MOV10L1: variants seen among roughly 807,000 people sequenced by gnomAD.
MOV10L1 encodes RNA helicase Mov10l1.
In MOV10L1, 110 loss-of-function variants were observed where a neutral mutation model predicts 143.8. The observed-to-expected ratio is 0.76, with a 90% CI of 0.66 to 0.90. The LOEUF is 0.90. Among genes scored for constraint, MOV10L1 ranks in the 40% least tolerant of loss-of-function variants. The probability of loss-of-function intolerance (pLI) is 0.00; values close to 1 mark genes in which losing one functional copy is unlikely to be tolerated. For missense variants in MOV10L1, 1,406 were observed against 1,526.8 expected (o/e 0.92, Z 1.32); for synonymous variants, 593 against 581.1 (o/e 1.02, Z -0.29).
chr22:50,161,485 A>G lies in MOV10L1; in HGVS notation c.*36A>G. On this transcript the variant is annotated 3_prime_UTR_variant, in exon 27 of 27. Coordinates refer to ENST00000262794, the MANE Select transcript of MOV10L1 (RefSeq NM_018995.3). ...CTGACAGCAGGGAGGCCATGTGCTC[A>G]GCCTGGCCACGTTGCCGTTACAGTC... The G allele has an allele frequency of 6.4e-7, 1 of 1,550,692 alleles. No homozygotes were observed.
chr22:50,102,588 A>G (rs2061772489), intron 3 of MOV10L1, among the ~76,000 whole-genome samples: 1 of 152,148 alleles, frequency 6.6e-6, no homozygotes, highest in African/African-American at 2.4e-5. Flanking sequence ...AACAGACAGT[A>G]AGCAAGTGAA....
Position 50,153,112 on chromosome 22 carries a change from A to G in MOV10L1, c.2960A>G (p.Tyr987Cys). The change falls in exon 22 of 27, where the codon TAC (tyrosine) becomes TGC (cysteine). Residue 987 changes from tyrosine to cysteine, a missense_variant. Physicochemically the swap from Tyr to Cys is radical, Grantham distance 194. Around this residue, in one of 3 missense-constraint regions of MOV10L1, gnomAD observed 1,233 missense variants for 1,351.4 expected, o/e 0.91. Transcript: ENST00000262794. ...CTGATGCTGCCCTCACGGCTGTTCT[A>G]CCACAGGGAACTCGAGGTCTGTGCG... is the stretch of plus-strand genomic sequence containing the variant. Reference protein sequence around the residue: ...ALLMLPSRLFYHRELEVCADP... With the variant: ...ALLMLPSRLFCHRELEVCADP... 1.2e-6 allele frequency: 2 copies of G among 1,613,636 alleles called. No individual in the cohort carries two copies. The highest frequency in any genetic ancestry group is 4.5e-5 in the East Asian group (2 of 44,878).
At chr22:50,151,255 A>C (rs1193632972) in intron 21 of MOV10L1, among the ~76,000 whole-genome samples, 1 of 152,240 alleles carries the variant, frequency 6.6e-6, no homozygotes, top group Non-Finnish European at 1.5e-5. Context: ...CTGGGCTCTC[A>C]GCCAACCTTG....
chr22:50,096,395 A>T (rs902586248), intron 2 of MOV10L1: 1 of 152,128 alleles, frequency 6.6e-6, no homozygotes, highest in African/African-American at 2.4e-5. Flanking sequence ...TCATCTGTTG[A>T]TGGACACTTG....
At chr22:50,111,922 G>A (rs779739029) in intron 5 of MOV10L1, among the ~76,000 whole-genome samples, 4 of 152,318 alleles carry the variant, frequency 2.6e-5, no homozygotes, top group East Asian at 1.9e-4. Flanking sequence ...TGGGGAAAGC[G>A]TCTGCTTTCC....
At chr22:50,143,016 C>G (rs745464893) in intron 16 of MOV10L1, 27 bp from the exon 17 acceptor site, 1 of 1,609,374 alleles carries the variant, frequency 6.2e-7, no homozygotes, top group South Asian at 1.1e-5. Flanking sequence ...TTGCATCTAA[C>G]TGAAACTTTC....
At position 50,144,086 on chromosome 22, in the gene MOV10L1, C is replaced by T. The variant is rs374858121; in HGVS notation, c.2359-11C>T. On this transcript the variant is annotated splice_polypyrimidine_tract_variant and intron_variant, in intron 17 of 26. Coordinates refer to ENST00000262794, the MANE Select transcript of MOV10L1 (RefSeq NM_018995.3). ...TGTTGAGCCTTGGTCTCTTGTGTGT[C>T]TTTGATGAAGGTACACTTTGCCTTG... The T allele has an allele frequency of 1.9e-6, 3 of 1,602,772 alleles. No homozygotes were observed. Among genetic ancestry groups the T allele is most frequent in the African/African-American group, 2.7e-5 (2 of 74,772 alleles).
chr22:50,140,259 C>CT (rs1349509127), intron 15 of MOV10L1, among the ~76,000 whole-genome samples: 2 of 152,202 alleles, frequency 1.3e-5, no homozygotes, highest in Non-Finnish European at 2.9e-5. Flanking sequence ...GCCAGTGCCA[C>CT]TGGAGGGGCT....
At position 50,117,062 on chromosome 22, in the gene MOV10L1, AACTCTGTC is replaced by A. The variant is rs139289478; in HGVS notation, c.1260-91_1260-84del. On this transcript the variant is annotated intron_variant, in intron 8 of 26. Coordinates refer to ENST00000262794, the MANE Select transcript of MOV10L1 (RefSeq NM_018995.3). ...TTATTGAAGACTAAAGATGAGTCTT[AACTCTGTC>A]ACTTTTCTTGTATGTACAAAGGAAA... 0.013 allele frequency: 14,653 copies of A among 1,162,136 alleles called. 1,326 individuals are homozygous for A. The African/African-American group carries it at 0.2, about 16-fold the overall frequency. 72.0% of individuals were successfully genotyped at this position (1,162,136 alleles called of 1,614,324 possible).
chr22:50,109,627 C>T (rs185904676), intron 5 of MOV10L1: 15 of 158,326 alleles, frequency 9.5e-5, no homozygotes, highest in Admixed American at 7.2e-4. Context: ...GCCGAGATCG[C>T]GCCACTGCAC....
At position 50,160,843 on chromosome 22, in the gene MOV10L1, G is replaced by A. The variant is rs763690544; in HGVS notation, c.3462+18G>A. On this transcript the variant is annotated intron_variant, in intron 25 of 26. Transcript: ENST00000262794. ...TCGTTCGAGTGAGTTTTCAGGCACT[G>A]GGTGGGCTGTGATCACTTAAGGAGG... 3 of 1,613,886 alleles carry A rather than the reference G, an allele frequency of 1.9e-6. No individual in the cohort carries two copies. The highest frequency in any genetic ancestry group is 1.7e-6 in the Non-Finnish European group (2 of 1,179,854).
chr22:50,142,219 G>A, intron 16 of MOV10L1, 30 bp downstream of exon 16: 2 of 1,565,826 alleles, frequency 1.3e-6, no homozygotes, highest in Non-Finnish European at 1.7e-6. Context: ...AAGGAGAAGA[G>A]CAACTCTGAG....
rs148394255 is a variant in MOV10L1, at chr22:50,114,487, G to T, written c.991G>T (p.Val331Leu). 1 of 1,614,152 alleles carries T rather than the reference G, an allele frequency of 6.2e-7. No individual in the cohort carries two copies. Among genetic ancestry groups the T allele is most frequent in the East Asian group, 2.2e-5 (1 of 44,884 alleles). The change falls in exon 7 of 27, where the codon GTG becomes TTG. Residue 331 changes from valine (V) to leucine (L), a missense_variant. Val to Leu is a conservative substitution (Grantham distance 32). Coordinates refer to ENST00000262794, the MANE Select transcript of MOV10L1 (RefSeq NM_018995.3). ...QMLDKDQMCP[V>L]VSFVSVPEKE... is the part of the protein sequence containing the mutation. ...GCTGGATAAAGACCAGATGTGCCCC[G>T]TGGTATCTTTTGTTTCTGTTCCTGA...
intron 15 of MOV10L1, among the ~76,000 whole-genome samples, chr22:50,135,008 T>C (rs2062783312): frequency 6.6e-6 from 1 of 152,028 alleles, no homozygotes; most frequent in African/African-American, 2.4e-5. Context: ...TCTTTTTCTT[T>C]TTTCTTTTCT....
intron 11 of MOV10L1, 127 bp downstream of exon 11, chr22:50,125,696 C>T: frequency 1.0e-6 from 1 of 997,224 alleles, no homozygotes; most frequent in Non-Finnish European, 1.4e-6. Flanking sequence ...GTTAGAATTT[C>T]ACTAAAAATC....
chr22:50,097,603 T>C lies in MOV10L1; in HGVS notation c.283-1840T>C, dbSNP rs141501351. Among the ~76,000 whole-genome samples, 689 of 152,304 alleles carry C rather than the reference T, an allele frequency of 4.5e-3. 3 individuals carry two copies. The highest frequency in any genetic ancestry group is 0.016 in the African/African-American group (649 of 41,560). ...ATTTCTGGGTCTCTTTACTATTCCA[T>C]TGGTTTATATTTCTGTCCTTACACT... On this transcript the variant is annotated intron_variant, in intron 2 of 26. Transcript: ENST00000262794.
intron 3 of MOV10L1, among the ~76,000 whole-genome samples, chr22:50,106,210 T>G (rs558833523): frequency 1.7e-3 from 254 of 152,178 alleles, no homozygotes; most frequent in Non-Finnish European, 2.9e-3. Flanking sequence ...CAGGCTGGAG[T>G]GCAGTGGCAC....
intron 5 of MOV10L1, among the ~76,000 whole-genome samples, chr22:50,109,282 C>T (rs567425641): frequency 6.6e-6 from 1 of 152,244 alleles, no homozygotes; most frequent in Admixed American, 6.5e-5. Flanking sequence ...CCTAGCACTT[C>T]AGGAGGCCGT....
intron 1 of MOV10L1, 117 bp downstream of exon 1, chr22:50,090,302 GC>G: frequency 6.9e-7 from 1 of 1,457,582 alleles, no homozygotes; most frequent in Non-Finnish European, 9.0e-7. Context: ...GCTGGGCCCG[GC>G]CTTTCCTCAT....
Sources: allele counts gnomAD v4.1 joint callset (sites outside exome capture counted in the v4.1 genomes callset), GRCh38; gene constraint gnomAD v4.1.1; regional missense constraint gnomAD v4.1.1; transcripts MANE v1.5; gene names NCBI Gene and HGNC (gene_info 2026-07-23, HGNC 2026-07-21).